Variants in MAMDC4 observed in about 807,000 individuals in gnomAD.
MAMDC4 encodes apical endosomal glycoprotein.
Under a neutral mutation model 153.3 loss-of-function variants are expected in MAMDC4, and 168 were observed. The ratio of observed to expected loss-of-function variants is 1.10; its 90% CI spans 0.97 to 1.25. MAMDC4 has a LOEUF of 1.25. Ranked by LOEUF, MAMDC4 falls within the 50% of genes most tolerant of loss-of-function variation. MAMDC4 has a pLI of 0.00. For missense variants in MAMDC4, 1,701 were observed against 1,542.8 expected (o/e 1.10, Z -1.72); for synonymous variants, 744 against 651.5 (o/e 1.14, Z -2.16).
intron 6 of MAMDC4, 53 bp from the exon 7 acceptor site, chr9:136,854,158 A>T (rs1156594741): frequency 6.2e-7 from 1 of 1,610,978 alleles, no homozygotes; most frequent in Non-Finnish European, 8.5e-7. Flanking sequence ...TCTGCCCCCG[A>T]GTGCTCTCCC....
chr9:136,855,279 C>G lies in MAMDC4; in HGVS notation c.1223C>G (p.Pro408Arg), dbSNP rs530642450. ...FQILLAGQTG[P>R]GGVVGLDDLI... ...ATCCTCCTGGCCGGGCAGACAGGCC[C>G]GGGGGGCGTCGTGGGTCTGGACGAC... Residue 408 changes from proline (P) to arginine (R), a missense_variant, in exon 11 of 27, where the codon CCG becomes CGG. By Grantham distance (103) the Pro-to-Arg change is moderately radical (BLOSUM62 -2). Transcript: ENST00000317446. 8.7e-5 allele frequency: 140 copies of G among 1,602,378 alleles called. No individual in the cohort carries two copies. The highest frequency in any genetic ancestry group is 1.2e-4 in the Non-Finnish European group (138 of 1,174,468).
At position 136,856,162 on chromosome 9, in the gene MAMDC4, T is replaced by C; in HGVS notation, c.1720+13T>C. 1 of 1,611,508 alleles carries C rather than the reference T, an allele frequency of 6.2e-7. No homozygotes were observed. The highest frequency in any genetic ancestry group is 8.5e-7 in the Non-Finnish European group (1 of 1,179,258). On this transcript the variant is annotated intron_variant, in intron 14 of 26. Transcript: ENST00000317446. The stretch of plus-strand genomic sequence containing the variant: ...AGCCAGCCCCGAGGTACCGCCACAC[T>C]CCGCAAGTTCCCTGGCCAGCCCCTG...
Position 136,860,581 on chromosome 9 carries a change from C to A in MAMDC4, c.3392C>A (p.Ala1131Glu). 3 of 1,613,082 alleles carry A rather than the reference C, an allele frequency of 1.9e-6. No homozygotes were observed. The highest frequency in any genetic ancestry group is 2.5e-6 in the Non-Finnish European group (3 of 1,179,870). ...TCCTAGGATGGTGTCACCCTCCCGG[C>A]ATCTGTCACCAGTGATCCGTAGACC... ...LFNADGVTLP[A>E]SVTSDP Residue 1131 changes from alanine (A) to glutamate (E), a missense_variant, in exon 27 of 27, where the codon GCA becomes GAA. Transcript: ENST00000317446.
rs745605520 is a variant in MAMDC4, at chr9:136,855,246, G to C, written c.1198-8G>C. ...GGCTGGGCACCCCCTGAGCCCCTCTGCCCTCAGATCCTCCTGGCCGGGCAG... is the reference window on the plus strand; with the variant it reads ...GGCTGGGCACCCCCTGAGCCCCTCTCCCCTCAGATCCTCCTGGCCGGGCAG... On this transcript the variant is annotated splice_polypyrimidine_tract_variant and splice_region_variant and intron_variant, in intron 10 of 26. Transcript: ENST00000317446. 4.4e-6 allele frequency: 7 copies of C among 1,587,816 alleles called. No individual in the cohort carries two copies. The highest frequency in any genetic ancestry group is 6.0e-6 in the Non-Finnish European group (7 of 1,167,426).
rs775708519 is a variant in MAMDC4 at position 136,853,865 on chromosome 9, G to C, written c.543G>C (p.Gln181His). 9 of 1,612,556 alleles carry C rather than the reference G, an allele frequency of 5.6e-6. No homozygotes were observed. The highest frequency in any genetic ancestry group is 7.6e-6 in the Non-Finnish European group (9 of 1,179,874). The stretch of plus-strand genomic sequence containing the variant: ...CAGGGCCCTGGGGCCCTGGCTGGCA[G>C]GAGTTGGCAGTGACCACAGGCCGCA... ...QSTGPWGPGW[Q>H]ELAVTTGRIR... Residue 181 changes from glutamine (Q) to histidine (H), a missense_variant, in exon 5 of 27, where the codon CAG (glutamine) becomes CAC (histidine). By Grantham distance (24) the Gln-to-His change is conservative (BLOSUM62 0). Coordinates refer to ENST00000317446, the MANE Select transcript of MAMDC4 (RefSeq NM_206920.3).
At chr9:136,853,239 C>G in intron 2 of MAMDC4, 30 bp downstream of exon 2, 1 of 1,612,200 alleles carries the variant, frequency 6.2e-7, no homozygotes, top group Non-Finnish European at 8.5e-7. Context: ...GCGGGCAGGG[C>G]CAGTGCGAGC....
chr9:136,858,347 T>C (rs1289592198), intron 21 of MAMDC4, 53 bp from the exon 22 acceptor site: 52 of 1,600,062 alleles, frequency 3.2e-5, no homozygotes, highest in Middle Eastern at 1.6e-4. Flanking sequence ...GTAGTCGTGG[T>C]GCCCAGGGCT....
At chr9:136,859,486 G>C in intron 25 of MAMDC4, 169 bp downstream of exon 25, 1 of 679,324 alleles carries the variant, frequency 1.5e-6, no homozygotes, top group Non-Finnish European at 2.4e-6. Context: ...ACTCTGCCCT[G>C]CTCACCCCTG....
rs113261424 is a variant in MAMDC4, at chr9:136,858,714, C to G, written c.2822-5C>G. On this transcript the variant is annotated splice_polypyrimidine_tract_variant and splice_region_variant and intron_variant, in intron 22 of 26. Coordinates refer to ENST00000317446, the MANE Select transcript of MAMDC4 (RefSeq NM_206920.3). The stretch of plus-strand genomic sequence containing the variant: ...AGCTGGGCATCAGCCTCCTCTTGTT[C>G]CCAGGCCACTTTGCCTTCTTTGAAA... The G allele has an allele frequency of 1.3e-3, 2,063 of 1,612,106 alleles. 23 individuals carry two copies. The African/African-American group carries it at 0.023, about 18-fold the overall frequency.
In MAMDC4 at chr9:136,857,665, A is replaced by G. The variant is rs2131237755; in HGVS notation, c.2333A>G (p.Tyr778Cys). ...DHTTETAQGH[Y>C]MVVDTSPDAL... The stretch of plus-strand genomic sequence containing the variant: ...CTGATGCTGGCACCTCCAGGGCACT[A>G]CATGGTGGTGGACACAAGCCCAGAC... Residue 778 changes from tyrosine to cysteine, a missense_variant, in exon 19 of 27, where the codon TAC (tyrosine) becomes TGC (cysteine). Tyr to Cys is a radical substitution (Grantham distance 194). Transcript: ENST00000317446. The G allele has an allele frequency of 1.2e-6, 2 of 1,612,504 alleles. No homozygotes were observed. The highest frequency in any genetic ancestry group is 4.5e-5 in the East Asian group (2 of 44,840).
chr9:136,858,620 A>G, intron 22 of MAMDC4, 74 bp downstream of exon 22: 1 of 1,592,546 alleles, frequency 6.3e-7, no homozygotes, highest in Admixed American at 1.8e-5. Flanking sequence ...CACAGAGTAC[A>G]TGCCCCATCC....
At position 136,856,123 on chromosome 9, in the gene MAMDC4, C is replaced by T; in HGVS notation, c.1694C>T (p.Ala565Val). ...PSGPSCELHL[A>V]YYLQSQPREV... ...GGCCCCAGCTGTGAACTCCACCTGG[C>T]TTATTATTTACAGAGCCAGCCCCGA... The change falls in exon 14 of 27, where the codon GCT (alanine) becomes GTT (valine). Residue 565 changes from alanine to valine, a missense_variant. Ala to Val is a moderately conservative substitution (Grantham distance 64). Coordinates refer to ENST00000317446, the MANE Select transcript of MAMDC4 (RefSeq NM_206920.3). 1 of 1,612,476 alleles carries T rather than the reference C, an allele frequency of 6.2e-7. No individual in the cohort carries two copies. The highest frequency in any genetic ancestry group is 2.2e-5 in the East Asian group (1 of 44,876).
At position 136,860,023 on chromosome 9, in the gene MAMDC4, G is replaced by A. The variant is rs1849063525; in HGVS notation, c.3331G>A (p.Glu1111Lys). Residue 1111 changes from glutamate (E) to lysine (K), a missense_variant, in exon 26 of 27, where the codon GAG (glutamate) becomes AAG (lysine). By Grantham distance (56) the Glu-to-Lys change is moderately conservative. Coordinates refer to ENST00000317446, the MANE Select transcript of MAMDC4 (RefSeq NM_206920.3). ...GAGCTGCCCCTTCCAGAGCAACACA[G>A]AGGCCACAGCCCCTGGCTTTGACAA... ...KGSCPFQSNT[E>K]ATAPGFDNIL... is the part of the protein sequence containing the mutation. 1 of 1,608,066 alleles carries A rather than the reference G, an allele frequency of 6.2e-7. No homozygotes were observed. Among genetic ancestry groups the A allele is most frequent in the Non-Finnish European group, 8.5e-7 (1 of 1,177,840 alleles).
In MAMDC4 at chr9:136,858,204, G is replaced by A. The variant is rs370302784; in HGVS notation, c.2602G>A (p.Ala868Thr). 3.7e-5 allele frequency: 59 copies of A among 1,595,112 alleles called. No homozygotes were observed. In the African/African-American group the frequency reaches 7.1e-4, roughly 19 times the overall value. The part of the protein sequence containing the change: ...RAWRVVFEAV[A>T]AGVAHSYVAL... ...CCGCCAGGTGGTGTTTGAGGCAGTG[G>A]CCGCAGGCGTGGCACACTCCTACGT... Residue 868 changes from alanine (A) to threonine (T), a missense_variant, in exon 21 of 27, where the codon GCC (alanine) becomes ACC (threonine). Coordinates refer to ENST00000317446, the MANE Select transcript of MAMDC4 (RefSeq NM_206920.3).
At chr9:136,858,575 G>A (rs1849042278) in intron 22 of MAMDC4, 29 bp downstream of exon 22, 2 of 1,563,680 alleles carry the variant, frequency 1.3e-6, no homozygotes, top group South Asian at 2.3e-5. Context: ...CAGGTGGGGA[G>A]GCACACACAG....
intron 26 of MAMDC4, 39 bp downstream of exon 26, chr9:136,860,103 G>GT (rs767243315): frequency 4.0e-6 from 6 of 1,508,444 alleles, no homozygotes; most frequent in African/African-American, 1.4e-5. Context: ...GAGCCTCTGT[G>GT]CTCAGCTGTG....
intron 1 of MAMDC4, 28 bp downstream of exon 1, chr9:136,852,490 C>G (rs1051060518): frequency 1.1e-5 from 17 of 1,606,358 alleles, no homozygotes; most frequent in Non-Finnish European, 1.3e-5. Context: ...ACTCCTGAGG[C>G]AGGACCAGGG....
intron 1 of MAMDC4, among the ~76,000 whole-genome samples, chr9:136,852,781 G>A (rs1165426378): frequency 2.6e-5 from 4 of 152,172 alleles, no homozygotes; most frequent in Non-Finnish European, 4.4e-5. Context: ...TGGGCCGCCC[G>A]TCGATGCCTC....
chr9:136,856,858 T>C, intron 15 of MAMDC4, 32 bp downstream of exon 15: 1 of 1,612,438 alleles, frequency 6.2e-7, no homozygotes, highest in South Asian at 1.1e-5. Flanking sequence ...GGGGTGGCTT[T>C]CAGACGAGAG....
Sources: allele counts gnomAD v4.1 joint callset (sites outside exome capture counted in the v4.1 genomes callset), GRCh38; gene constraint gnomAD v4.1.1; transcripts MANE v1.5; gene names NCBI Gene and HGNC (gene_info 2026-07-23, HGNC 2026-07-21).